The following BIRC6 variants were observed in gnomAD, a reference collection of about 807,000 sequenced individuals.
BIRC6 encodes the protein dual E2 ubiquitin-conjugating enzyme/E3 ubiquitin-protein ligase BIRC6.
BIRC6 carries 98 observed loss-of-function variants against 503.3 expected under a neutral mutation model. The observed-to-expected ratio is 0.19, with a 90% CI of 0.17 to 0.23. The LOEUF (loss-of-function observed/expected upper bound fraction) is 0.23, where lower values mean the gene tolerates loss of function less well. Ranked by LOEUF, BIRC6 falls within the 10% of genes least tolerant of loss-of-function variation. The pLI is 1.00. For synonymous variants in BIRC6, 2,240 were observed against 2,078.7 expected, an observed-to-expected ratio of 1.08 and a Z score of -2.11; for missense variants, 5,360 against 5,806.0, an observed-to-expected ratio of 0.92 and a Z score of 2.50.
chr2:32,541,051 C>CT (rs1351151000), intron 61 of BIRC6, among the ~76,000 whole-genome samples: 1 of 151,872 alleles, frequency 6.6e-6, no homozygotes, highest in East Asian at 1.9e-4. Context: ...ATTTTGCTGT[C>CT]TTTTTGCTTT....
intron 5 of BIRC6, among the ~76,000 whole-genome samples, chr2:32,394,548 A>G (rs531744675): frequency 6.6e-6 from 1 of 152,144 alleles, no homozygotes; most frequent in Non-Finnish European, 1.5e-5. Context: ...TAATAAACCC[A>G]TTGGCTGGTG....
Position 32,617,937 on chromosome 2 carries a change from G to A in BIRC6, c.*33G>A. On this transcript the variant is annotated 3_prime_UTR_variant, in exon 74 of 74. Coordinates refer to ENST00000421745, the MANE Select transcript of BIRC6 (RefSeq NM_016252.4). ...TGATGTGGACTTCATAGACACAAAGGCTTCGAAGCACAAGCCAAATATGTC... is the reference window on the plus strand; with the variant it reads ...TGATGTGGACTTCATAGACACAAAGACTTCGAAGCACAAGCCAAATATGTC... The A allele has an allele frequency of 6.3e-7, 1 of 1,578,070 alleles. No individual in the cohort carries two copies. The highest frequency in any genetic ancestry group is 8.6e-7 in the Non-Finnish European group (1 of 1,158,048).
At chr2:32,402,117 A>G (rs2040673520) in intron 8 of BIRC6, among the ~76,000 whole-genome samples, 2 of 150,978 alleles carry the variant, frequency 1.3e-5, no homozygotes, top group African/African-American at 4.8e-5. Flanking sequence ...CAGTGAGTTG[A>G]GATACCATAA....
rs145087340 is a variant in BIRC6 at position 32,411,436 on chromosome 2, T to A, written c.1478-3333T>A. 9.7e-3 allele frequency among the ~76,000 whole-genome samples: 1,431 copies of A among 147,692 alleles called. 18 individuals are homozygous for A. The highest frequency in any genetic ancestry group is 0.027 in the African/African-American group (1,051 of 39,444). On this transcript the variant is annotated intron_variant, in intron 9 of 73. Coordinates refer to ENST00000421745, the MANE Select transcript of BIRC6 (RefSeq NM_016252.4). ...ATATATATTTTATTTTTTTATTTTT[T>A]TTTTTTAAATTTTCTATTTTTTGTA...
At chr2:32,530,434 C>G (rs2056639852) in intron 60 of BIRC6, among the ~76,000 whole-genome samples, 1 of 152,154 alleles carries the variant, frequency 6.6e-6, no homozygotes, top group South Asian at 2.1e-4. Context: ...TACTCTGTAA[C>G]TCCTGACCTC....
rs548797724 is a variant in BIRC6 at position 32,397,348 on chromosome 2, T to G, written c.1034+1755T>G. On this transcript the variant is annotated intron_variant, in intron 6 of 73. Transcript: ENST00000421745. ...TTATCTGGGCGTGGTGGTGTGCACC[T>G]GTAATTCCAGCTACTCGGGAGGGTG... Among the ~76,000 whole-genome samples the G allele has an allele frequency of 1.1e-4, 16 of 152,072 alleles. No individual in the cohort carries two copies. In the East Asian group the frequency reaches 3.1e-3, roughly 30 times the overall value.
chr2:32,408,427 C>G (rs2041489146), intron 9 of BIRC6, among the ~76,000 whole-genome samples: 1 of 152,056 alleles, frequency 6.6e-6, no homozygotes, highest in African/African-American at 2.4e-5. Flanking sequence ...TGAACTCTTT[C>G]AAAAAATAAC....
At position 32,503,214 on chromosome 2, in the gene BIRC6, G is replaced by A. The variant is rs1160635770; in HGVS notation, c.9477G>A (p.Gly3159=). The change falls in exon 49 of 74, where the codon GGG becomes GGA. Residue 3159 remains glycine (G), a synonymous_variant. Coordinates refer to ENST00000421745, the MANE Select transcript of BIRC6 (RefSeq NM_016252.4). ...ILASEPDNAE[G]IHNFAPLGTI... Reference sequence around the variant, plus strand: ...CTTCTGAGCCTGACAATGCTGAAGGGATTCATAACTTTGCACCCCTCGGTA... The same window carrying A: ...CTTCTGAGCCTGACAATGCTGAAGGAATTCATAACTTTGCACCCCTCGGTA... 1.2e-6 allele frequency: 2 copies of A among 1,608,198 alleles called. No homozygotes were observed.
intron 69 of BIRC6, among the ~76,000 whole-genome samples, chr2:32,598,718 T>C (rs78352658): frequency 0.04 from 6,034 of 152,226 alleles, 173 homozygotes; most frequent in Non-Finnish European, 0.063. Flanking sequence ...GTAGAAAGTT[T>C]TATTTGTTTG....
chr2:32,436,886 CTTTTTTT>C (rs35067044), intron 15 of BIRC6, among the ~76,000 whole-genome samples: 1 of 90,078 alleles, frequency 1.1e-5, no homozygotes, highest in African/African-American at 4.3e-5. Flanking sequence ...TTTGTTTTTT[CTTTTTTT>C]TTTTTTTTTT....
chr2:32,501,847 C>T lies in BIRC6; in HGVS notation c.9166C>T (p.Pro3056Ser). The T allele has an allele frequency of 6.2e-7, 1 of 1,613,504 alleles. No individual in the cohort carries two copies. The highest frequency in any genetic ancestry group is 8.5e-7 in the Non-Finnish European group (1 of 1,179,730). ...KASTVHMMLQPILTYMACGYM... is the reference protein window; with the variant it reads ...KASTVHMMLQSILTYMACGYM... ...TTCTACAGTCCACATGATGCTGCAGCCAATTTTAACATACATGGCCTGTGG... is the reference window on the plus strand; with the variant it reads ...TTCTACAGTCCACATGATGCTGCAGTCAATTTTAACATACATGGCCTGTGG... Residue 3056 changes from proline to serine, a missense_variant, in exon 47 of 74, where the codon CCA becomes TCA. Physicochemically the swap from Pro to Ser is moderately conservative, Grantham distance 74. Coordinates refer to ENST00000421745, the MANE Select transcript of BIRC6 (RefSeq NM_016252.4).
At chr2:32,542,141 T>G (rs1416331024) in intron 61 of BIRC6, among the ~76,000 whole-genome samples, 2 of 152,044 alleles carry the variant, frequency 1.3e-5, no homozygotes, top group Non-Finnish European at 2.9e-5. Context: ...TATTTACACA[T>G]GTATACATAC....
intron 3 of BIRC6, among the ~76,000 whole-genome samples, chr2:32,387,243 A>G (rs1037998125): frequency 6.6e-6 from 1 of 151,962 alleles, no homozygotes; most frequent in African/African-American, 2.4e-5. Flanking sequence ...CCTCCCTTTC[A>G]ATAAAAAGCT....
At chr2:32,360,983 C>T (rs1296633820) in intron 1 of BIRC6, among the ~76,000 whole-genome samples, 4 of 152,222 alleles carry the variant, frequency 2.6e-5, no homozygotes, top group South Asian at 4.1e-4. Flanking sequence ...TGCAGTGATG[C>T]GATCTCGGCT....
chr2:32,420,776 T>G (rs899398080), intron 10 of BIRC6, among the ~76,000 whole-genome samples: 3 of 152,140 alleles, frequency 2.0e-5, no homozygotes, highest in Non-Finnish European at 4.4e-5. Context: ...CCTCCTAAAG[T>G]GCTGGGATTA....
At chr2:32,390,330 C>G (rs998034087) in intron 4 of BIRC6, among the ~76,000 whole-genome samples, 2 of 152,094 alleles carry the variant, frequency 1.3e-5, no homozygotes, top group African/African-American at 4.8e-5. Context: ...GCCACCATGC[C>G]CAGCTAATTT....
rs35547648 is a variant in BIRC6 at position 32,388,589 on chromosome 2, A to AT, written c.646-152dup. 3.5e-4 allele frequency among the ~76,000 whole-genome samples: 53 copies of AT among 151,334 alleles called. 1 individual carries two copies. Among genetic ancestry groups the AT allele is most frequent in the East Asian group, 1.4e-3 (7 of 5,166 alleles). On this transcript the variant is annotated intron_variant, in intron 3 of 73. Coordinates refer to ENST00000421745, the MANE Select transcript of BIRC6 (RefSeq NM_016252.4). ...TATCTTGGCTTTTGTAAAATATTTT[A>AT]TTTTTTTTTATAACTGCAAGTTTCT...
chr2:32,370,524 A>G (rs2035778125), intron 1 of BIRC6, among the ~76,000 whole-genome samples: 2 of 152,106 alleles, frequency 1.3e-5, no homozygotes, highest in South Asian at 4.1e-4. Context: ...GCAGTCACTG[A>G]CCTTTCCCAA....
At chr2:32,395,844 C>T (rs888367425) in intron 6 of BIRC6, among the ~76,000 whole-genome samples, 4 of 152,122 alleles carry the variant, frequency 2.6e-5, no homozygotes, top group African/African-American at 9.7e-5. Context: ...TAACGAAAAC[C>T]GGAAAGCTAT....
Sources: gnomAD v4.1 joint callset for allele counts (sites outside exome capture counted in the v4.1 genomes callset) on GRCh38, gnomAD v4.1.1 for gene constraint, MANE v1.5 for transcripts, NCBI Gene and HGNC (gene_info 2026-07-23, HGNC 2026-07-21) for gene names.